The following KCNJ3 variants were observed in gnomAD, a reference collection of about 807,000 sequenced individuals.
KCNJ3 encodes G protein-activated inward rectifier potassium channel 1.
A neutral mutation model predicts 39.2 loss-of-function variants in KCNJ3; 4 were observed. The ratio of observed to expected loss-of-function variants is 0.10; its 90% CI spans 0.05 to 0.23. The LOEUF is 0.23. Among genes scored for constraint, KCNJ3 ranks in the 10% least tolerant of loss-of-function variants. The pLI is 1.00. For synonymous variants in KCNJ3, 230 were observed against 237.4 expected (o/e 0.97, Z 0.29); for missense variants, 276 against 634.9 (o/e 0.43, Z 6.08).
At chr2:154,760,726 C>CTTTTTCTTCTTTT (rs1558866943) in intron 2 of KCNJ3, among the ~76,000 whole-genome samples, 1 of 116,928 alleles carries the variant, frequency 8.6e-6, no homozygotes, top group Non-Finnish European at 1.8e-5. Flanking sequence ...CTATTTTTTT[C>CTTTTTCTTCTTTT]TTTTTTTTCT....
intron 2 of KCNJ3, among the ~76,000 whole-genome samples, chr2:154,783,304 G>A (rs989946020): frequency 6.6e-5 from 10 of 152,192 alleles, no homozygotes; most frequent in East Asian, 1.9e-4. Flanking sequence ...TGCTTCTTCC[G>A]TGCATTTTGC....
At chr2:154,764,895 CT>C (rs1212054209) in intron 2 of KCNJ3, among the ~76,000 whole-genome samples, 2 of 152,144 alleles carry the variant, frequency 1.3e-5, no homozygotes, top group East Asian at 3.9e-4. Context: ...ATTTCAAAGC[CT>C]TTGCACATAT....
In KCNJ3 at chr2:154,855,319, C is replaced by T. The variant is rs188542706; in HGVS notation, c.*6C>T. The T allele has an allele frequency of 1.3e-5, 20 of 1,566,632 alleles. No individual in the cohort carries two copies. Among genetic ancestry groups the T allele is most frequent in the East Asian group, 6.8e-5 (3 of 44,124 alleles). On this transcript the variant is annotated 3_prime_UTR_variant, in exon 3 of 3. Transcript: ENST00000295101. ...ACTCTGATCGCTTCACATAACAAAGCACTCCCTTAGGCATTATTTAATGTT... is the reference window on the plus strand; with the variant it reads ...ACTCTGATCGCTTCACATAACAAAGTACTCCCTTAGGCATTATTTAATGTT...
intron 2 of KCNJ3, among the ~76,000 whole-genome samples, chr2:154,726,416 C>T (rs528792311): frequency 1.3e-5 from 2 of 152,150 alleles, no homozygotes; most frequent in East Asian, 3.9e-4. Flanking sequence ...AGCAATACTA[C>T]CTTACTCCTG....
At chr2:154,845,971 GA>G (rs34720142) in intron 2 of KCNJ3, among the ~76,000 whole-genome samples, 19 of 145,126 alleles carry the variant, frequency 1.3e-4, no homozygotes, top group East Asian at 4.0e-4. Context: ...CTCTGTCTCA[GA>G]AAAAAAAAAA....
chr2:154,813,834 A>G (rs1687040173), intron 2 of KCNJ3, among the ~76,000 whole-genome samples: 3 of 152,216 alleles, frequency 2.0e-5, no homozygotes, highest in Admixed American at 2.0e-4. Flanking sequence ...GATGATGTCA[A>G]CTGGCATCTT....
intron 2 of KCNJ3, among the ~76,000 whole-genome samples, chr2:154,728,991 A>C (rs3111010): frequency 0.29 from 44,752 of 151,918 alleles, 6,871 homozygotes; most frequent in South Asian, 0.33. Flanking sequence ...CATTTTTGTC[A>C]TCAAAATCAT....
chr2:154,755,357 A>T (rs949701018), intron 2 of KCNJ3, among the ~76,000 whole-genome samples: 12 of 151,882 alleles, frequency 7.9e-5, no homozygotes, highest in African/African-American at 2.9e-4. Flanking sequence ...AAATATGAGT[A>T]TTCTCTGGTT....
chr2:154,742,369 T>C (rs1027367861), intron 2 of KCNJ3, among the ~76,000 whole-genome samples: 1 of 151,840 alleles, frequency 6.6e-6, no homozygotes, highest in Non-Finnish European at 1.5e-5. Flanking sequence ...AAGACCCTGC[T>C]TTCAGGTCTT....
rs776549846 is a variant in KCNJ3 at position 154,709,766 on chromosome 2, A to G, written c.866A>G (p.Gln289Arg). 6.2e-7 allele frequency: 1 copy of G among 1,613,992 alleles called. No individual in the cohort carries two copies. The highest frequency in any genetic ancestry group is 8.5e-7 in the Non-Finnish European group (1 of 1,179,902). Residue 289 changes from glutamine (Q) to arginine (R), a missense_variant, in exon 2 of 3, where the codon CAA (glutamine) becomes CGA (arginine). Gln to Arg is a conservative substitution (Grantham distance 43, BLOSUM62 1). Coordinates refer to ENST00000295101, the MANE Select transcript of KCNJ3 (RefSeq NM_002239.4). ...PFYDLSQRSMQTEQFEIVVIL... is the reference protein window; with the variant it reads ...PFYDLSQRSMRTEQFEIVVIL... Reference sequence around the variant, plus strand: ...TATGACCTATCCCAGCGAAGCATGCAAACTGAACAGTTCGAGATTGTCGTC... The same window carrying G: ...TATGACCTATCCCAGCGAAGCATGCGAACTGAACAGTTCGAGATTGTCGTC...
intron 2 of KCNJ3, among the ~76,000 whole-genome samples, chr2:154,792,088 T>C (rs1187329491): frequency 2.0e-5 from 3 of 152,036 alleles, no homozygotes; most frequent in African/African-American, 7.2e-5. Flanking sequence ...ACTGCCGTCA[T>C]CTTGTGCTCC....
intron 2 of KCNJ3, among the ~76,000 whole-genome samples, chr2:154,764,290 T>A (rs2961956): frequency 6.6e-6 from 1 of 151,962 alleles, no homozygotes; most frequent in East Asian, 1.9e-4. Context: ...TTGGTTGTTT[T>A]GTTTTGATCA....
intron 2 of KCNJ3, among the ~76,000 whole-genome samples, chr2:154,826,107 G>C (rs1183759284): frequency 6.6e-6 from 1 of 152,018 alleles, no homozygotes. Flanking sequence ...TTAACTTAGA[G>C]GGAAGAATAA....
chr2:154,741,762 G>A (rs1685657977), intron 2 of KCNJ3, among the ~76,000 whole-genome samples: 1 of 151,780 alleles, frequency 6.6e-6, no homozygotes, highest in Non-Finnish European at 1.5e-5. Flanking sequence ...TATATGCAAA[G>A]AAATGAGTCT....
At chr2:154,838,574 T>TAAAG (rs1687513140) in intron 2 of KCNJ3, among the ~76,000 whole-genome samples, 1 of 152,360 alleles carries the variant, frequency 6.6e-6, no homozygotes, top group African/African-American at 2.4e-5. Context: ...TTATTGTTGT[T>TAAAG]AAAGATTTTT....
intron 2 of KCNJ3, among the ~76,000 whole-genome samples, chr2:154,765,121 C>T (rs1197091813): frequency 6.6e-6 from 1 of 152,138 alleles, no homozygotes; most frequent in Non-Finnish European, 1.5e-5. Flanking sequence ...TTGCCTCTAC[C>T]CACCATAGTG....
chr2:154,843,730 G>A (rs879755975), intron 2 of KCNJ3, among the ~76,000 whole-genome samples: 14 of 152,022 alleles, frequency 9.2e-5, no homozygotes, highest in East Asian at 3.9e-4. Flanking sequence ...TGATCAAATC[G>A]GCTACTGAAG....
At chr2:154,788,521 T>G (rs578250966) in intron 2 of KCNJ3, among the ~76,000 whole-genome samples, 1 of 152,250 alleles carries the variant, frequency 6.6e-6, no homozygotes, top group African/African-American at 2.4e-5. Context: ...TAAACAGATG[T>G]CTTATCATTT....
chr2:154,724,808 T>G (rs2105162305), intron 2 of KCNJ3, among the ~76,000 whole-genome samples: 1 of 148,648 alleles, frequency 6.7e-6, no homozygotes, highest in East Asian at 1.9e-4. Context: ...TTTTAATTAT[T>G]TATAAATAAA....
Sources: gnomAD v4.1 joint callset for allele counts (sites outside exome capture counted in the v4.1 genomes callset) on GRCh38, gnomAD v4.1.1 for gene constraint, MANE v1.5 for transcripts, NCBI Gene and HGNC (gene_info 2026-07-23, HGNC 2026-07-21) for gene names.